The following TNNI3K variants were observed in gnomAD, a reference collection of about 807,000 sequenced individuals.
TNNI3K encodes serine/threonine-protein kinase TNNI3K.
In TNNI3K, 140 loss-of-function variants were observed where a neutral mutation model predicts 114.5. The ratio of observed to expected loss-of-function variants is 1.22; its 90% CI spans 1.07 to 1.41. The LOEUF (loss-of-function observed/expected upper bound fraction) is 1.41. TNNI3K is among the 40% of genes most tolerant of loss of function. The pLI is 0.00. For missense variants in TNNI3K, 1,125 were observed against 1,007.6 expected (o/e 1.12, Z -1.58); for synonymous variants, 347 against 347.5 (o/e 1.00, Z 0.02).
chr1:74,402,988 A>G (rs1337876009), intron 17 of TNNI3K, among the ~76,000 whole-genome samples: 1 of 152,202 alleles, frequency 6.6e-6, no homozygotes, highest in Non-Finnish European at 1.5e-5. Context: ...CATATTCATA[A>G]TATGAAATTC....
intron 17 of TNNI3K, chr1:74,375,429 A>G: frequency 2.6e-6 from 1 of 379,998 alleles, no homozygotes; most frequent in East Asian, 7.4e-5. Flanking sequence ...AGGACTAACA[A>G]ATTAGCCACA....
intron 2 of TNNI3K, among the ~76,000 whole-genome samples, chr1:74,245,192 C>G (rs763358063): frequency 6.6e-6 from 1 of 152,116 alleles, no homozygotes. Context: ...AGAATATAAT[C>G]CCAATGTATT....
intron 7 of TNNI3K, among the ~76,000 whole-genome samples, chr1:74,337,844 G>A (rs1265940650): frequency 1.3e-5 from 2 of 152,038 alleles, no homozygotes; most frequent in African/African-American, 4.8e-5. Context: ...TCAACAAGAT[G>A]ATTTGGACAT....
chr1:74,316,270 A>T (rs1181433468), intron 5 of TNNI3K, among the ~76,000 whole-genome samples: 2 of 152,200 alleles, frequency 1.3e-5, no homozygotes, highest in Non-Finnish European at 2.9e-5. Flanking sequence ...TGCCTAAAAG[A>T]GGGTAACTTG....
intron 17 of TNNI3K, among the ~76,000 whole-genome samples, chr1:74,413,895 G>A (rs921810148): frequency 2.0e-5 from 3 of 152,142 alleles, no homozygotes; most frequent in Admixed American, 1.3e-4. Context: ...ATGATTTAAC[G>A]TTGATATATT....
intron 11 of TNNI3K, among the ~76,000 whole-genome samples, chr1:74,359,070 C>T (rs2100493895): frequency 6.6e-6 from 1 of 151,882 alleles, no homozygotes; most frequent in Admixed American, 6.6e-5. Context: ...GAGGCAGTAC[C>T]AAATAGGAGG....
At position 74,529,769 on chromosome 1, in the gene TNNI3K, G is replaced by T. The variant is rs1201710708; in HGVS notation, c.2352-10465G>T. On this transcript the variant is annotated intron_variant, in intron 23 of 24. Transcript: ENST00000326637. The stretch of plus-strand genomic sequence containing the variant: ...GTTTAAGATAGTTTTTAAATGAAAA[G>T]TTTTTTTAAGAAAGTTCATATATTC... Among the ~76,000 whole-genome samples the T allele has an allele frequency of 2.0e-5, 3 of 152,106 alleles. No homozygotes were observed. The East Asian group carries it at 5.8e-4, about 29-fold the overall frequency.
intron 17 of TNNI3K, chr1:74,378,594 T>TTA (rs58113455): frequency 0.057 from 4,324 of 75,982 alleles, 313 homozygotes; most frequent in Non-Finnish European, 0.071. Flanking sequence ...CAGTTTAATT[T>TTA]TATATATATA....
At position 74,250,771 on chromosome 1, in the gene TNNI3K, TA is replaced by T. The variant is rs1557449614; in HGVS notation, c.333+3del. ...GCCTTGCATTTAGCAGTTTACAAGG[TA>T]GGACACTTTAATTCCCATAAACACT... is the stretch of plus-strand genomic sequence containing the variant. On this transcript the variant is annotated splice_donor_region_variant and intron_variant, in intron 4 of 24. Transcript: ENST00000326637. The T allele has an allele frequency of 1.2e-6, 2 of 1,606,380 alleles. No homozygotes were observed. Among genetic ancestry groups the T allele is most frequent in the South Asian group, 2.2e-5 (2 of 89,902 alleles).
At chr1:74,249,367 G>C (rs898169729) in intron 2 of TNNI3K, 92 bp from the exon 3 acceptor site, 16 of 1,265,824 alleles carry the variant, frequency 1.3e-5, no homozygotes, top group Non-Finnish European at 1.8e-5. Context: ...TTTCTGAATT[G>C]ATAGTAACAG....
chr1:74,323,350 T>C (rs1161554135), intron 5 of TNNI3K, among the ~76,000 whole-genome samples: 1 of 152,220 alleles, frequency 6.6e-6, no homozygotes, highest in African/African-American at 2.4e-5. Context: ...CCTCTGAGCT[T>C]CACTGTCCTT....
At chr1:74,290,041 C>T (rs1405492106) in intron 5 of TNNI3K, among the ~76,000 whole-genome samples, 3 of 151,630 alleles carry the variant, frequency 2.0e-5, no homozygotes, top group African/African-American at 7.2e-5. Flanking sequence ...TCTAACTTTT[C>T]TGGGCATCCC....
chr1:74,465,370 G>A (rs374729308), intron 21 of TNNI3K, among the ~76,000 whole-genome samples: 26 of 152,314 alleles, frequency 1.7e-4, no homozygotes, highest in East Asian at 7.7e-4. Flanking sequence ...GCCGGTGGGC[G>A]CCACTCCAGG....
At chr1:74,364,257 A>G (rs920954465) in intron 11 of TNNI3K, among the ~76,000 whole-genome samples, 1 of 151,760 alleles carries the variant, frequency 6.6e-6, no homozygotes, top group African/African-American at 2.4e-5. Context: ...CCTCCACCTC[A>G]GCCCCACAAA....
intron 5 of TNNI3K, among the ~76,000 whole-genome samples, chr1:74,305,079 A>G (rs1056034380): frequency 2.0e-5 from 3 of 152,190 alleles, no homozygotes; most frequent in Non-Finnish European, 2.9e-5. Context: ...AGGATATCAG[A>G]TATCTATTCT....
chr1:74,302,622 A>G (rs1257868749), intron 5 of TNNI3K, among the ~76,000 whole-genome samples: 1 of 152,234 alleles, frequency 6.6e-6, no homozygotes, highest in Non-Finnish European at 1.5e-5. Flanking sequence ...TTTTAGCAAT[A>G]TGGATAGAAA....
chr1:74,390,694 C>G (rs906889959), intron 17 of TNNI3K, among the ~76,000 whole-genome samples: 4 of 151,852 alleles, frequency 2.6e-5, no homozygotes, highest in African/African-American at 7.3e-5. Flanking sequence ...CAGGAGGAGA[C>G]AGATAATAAT....
intron 20 of TNNI3K, among the ~76,000 whole-genome samples, chr1:74,454,260 A>C (rs545843535): frequency 6.6e-6 from 1 of 152,238 alleles, no homozygotes; most frequent in Admixed American, 6.6e-5. Context: ...AACATACAAT[A>C]AATTATTGTT....
intron 21 of TNNI3K, among the ~76,000 whole-genome samples, chr1:74,476,988 T>G (rs274588): frequency 0.54 from 81,668 of 151,876 alleles, 22,208 homozygotes; most frequent in East Asian, 0.67. Context: ...AAATCTATTT[T>G]AATTCATTTG....
Sources: allele counts gnomAD v4.1 joint callset (sites outside exome capture counted in the v4.1 genomes callset), GRCh38; gene constraint gnomAD v4.1.1; transcripts MANE v1.5; gene names NCBI Gene and HGNC (gene_info 2026-07-23, HGNC 2026-07-21).